MEGF11: variants seen among roughly 807,000 people sequenced by gnomAD.
The protein encoded by MEGF11 is multiple EGF like domains 11.
In MEGF11, 126 loss-of-function variants were observed where a neutral mutation model predicts 146.6. The ratio of observed to expected loss-of-function variants is 0.86; its 90% confidence interval spans 0.74 to 1.00. The LOEUF (loss-of-function observed/expected upper bound fraction) is 1.00, where lower values mean the gene tolerates loss of function less well. Ranked by LOEUF, MEGF11 falls within the 50% of genes least tolerant of loss-of-function variation. The pLI, the probability that MEGF11 is intolerant of heterozygous loss-of-function variation, is 0.00. For synonymous variants in MEGF11, 532 were observed against 583.4 expected (o/e 0.91, Z 1.27); for missense variants, 1,509 against 1,521.2 (o/e 0.99, Z 0.13).
chr15:66,032,897 C>G (rs968130156), intron 5 of MEGF11, among the ~76,000 whole-genome samples: 1 of 151,934 alleles, frequency 6.6e-6, no homozygotes, highest in Non-Finnish European at 1.5e-5. Flanking sequence ...CTGGCTAACA[C>G]GGTGAAACCC....
intron 15 of MEGF11, among the ~76,000 whole-genome samples, chr15:65,921,035 T>G (rs1294028312): frequency 6.6e-6 from 1 of 152,222 alleles, no homozygotes; most frequent in Non-Finnish European, 1.5e-5. Flanking sequence ...TAAATGAAAC[T>G]GTCACATATG....
chr15:65,919,766 C>A (rs556639428), intron 15 of MEGF11, among the ~76,000 whole-genome samples: 1 of 152,284 alleles, frequency 6.6e-6, no homozygotes, highest in Non-Finnish European at 1.5e-5. Context: ...CAGATAGGCA[C>A]GCGCCACCAT....
intron 5 of MEGF11, among the ~76,000 whole-genome samples, chr15:65,984,525 C>CAAAA (rs35017296): frequency 0.19 from 9,236 of 49,150 alleles, 2,568 homozygotes; most frequent in Non-Finnish European, 0.24. Context: ...GACTCCGTGT[C>CAAAA]AAAAAAAAAA....
chr15:66,054,597 G>A (rs1043545631), intron 5 of MEGF11, among the ~76,000 whole-genome samples: 6 of 152,172 alleles, frequency 3.9e-5, no homozygotes, highest in East Asian at 1.9e-4. Context: ...CAGAGTGAGC[G>A]GCCTGGAAAA....
chr15:66,185,641 G>A (rs1257949712), intron 1 of MEGF11, among the ~76,000 whole-genome samples: 2 of 152,156 alleles, frequency 1.3e-5, no homozygotes, highest in African/African-American at 2.4e-5. Flanking sequence ...GGAGATGGAG[G>A]AGGTCACCCC....
chr15:66,039,347 G>T (rs2083857589), intron 5 of MEGF11, among the ~76,000 whole-genome samples: 1 of 152,224 alleles, frequency 6.6e-6, no homozygotes, highest in African/African-American at 2.4e-5. Flanking sequence ...CAGCTGAGGA[G>T]GAGGGGAGTT....
chr15:66,019,297 G>A (rs1367175249), intron 5 of MEGF11, among the ~76,000 whole-genome samples: 1 of 152,166 alleles, frequency 6.6e-6, no homozygotes, highest in Non-Finnish European at 1.5e-5. Context: ...GCTGAACGAA[G>A]TCTAATTTAC....
intron 8 of MEGF11, among the ~76,000 whole-genome samples, chr15:65,966,799 G>C (rs996315888): frequency 6.6e-6 from 1 of 151,936 alleles, no homozygotes. Flanking sequence ...TCCTCCGTGG[G>C]CGAGTGTGAC....
At chr15:66,116,136 C>T (rs2087716585) in intron 4 of MEGF11, among the ~76,000 whole-genome samples, 1 of 152,210 alleles carries the variant, frequency 6.6e-6, no homozygotes, top group Admixed American at 6.5e-5. Context: ...CCCACCCACC[C>T]CTGACGGCGT....
chr15:65,898,801 C>T lies in MEGF11; in HGVS notation c.3189G>A (p.Ser1063=), dbSNP rs150630016. ...TGTACGGAGACCCCATGTGCACAGG[C>T]GACTTCATTTCTACATAGCTGCTTT... ...LPESSYVEMK[S]PVHMGSPYTD... is the part of the protein sequence containing the mutation. The change falls in exon 25 of 26, where the codon TCG becomes TCA. Residue 1063 remains serine, a synonymous_variant. Transcript: ENST00000395614. 7.6e-5 allele frequency: 123 copies of T among 1,613,952 alleles called. No individual in the cohort carries two copies. The highest frequency in any genetic ancestry group is 4.5e-4 in the East Asian group (20 of 44,886).
intron 1 of MEGF11, among the ~76,000 whole-genome samples, chr15:66,171,921 C>T (rs1038607978): frequency 2.6e-5 from 4 of 152,288 alleles, no homozygotes; most frequent in East Asian, 3.9e-4. Flanking sequence ...ATATCCCCGC[C>T]GTCTCCAAGT....
intron 1 of MEGF11, among the ~76,000 whole-genome samples, chr15:66,233,854 G>A (rs1490325289): frequency 6.6e-5 from 10 of 152,152 alleles, no homozygotes. Context: ...GGTCTTCTGG[G>A]GAGAGTGTCC....
At position 66,109,747 on chromosome 15, in the gene MEGF11, C is replaced by T. The variant is rs560288798; in HGVS notation, c.301+9339G>A. Among the ~76,000 whole-genome samples, 4 of 152,314 alleles carry T rather than the reference C, an allele frequency of 2.6e-5. No individual in the cohort carries two copies. The East Asian group carries it at 5.8e-4, about 22-fold the overall frequency. On this transcript the variant is annotated intron_variant, in intron 4 of 25. Coordinates refer to ENST00000395614, the MANE Select transcript of MEGF11 (RefSeq NM_001385028.1). Reference sequence around the variant, plus strand: ...TCAGACTCAGCTCAAAACTCACCTCCCTGAAGGGGTCTTTCTTGACCCCCA... The same window carrying T: ...TCAGACTCAGCTCAAAACTCACCTCTCTGAAGGGGTCTTTCTTGACCCCCA...
At chr15:66,150,440 T>C (rs896095765) in intron 1 of MEGF11, among the ~76,000 whole-genome samples, 1 of 152,164 alleles carries the variant, frequency 6.6e-6, no homozygotes, top group Non-Finnish European at 1.5e-5. Flanking sequence ...AAGACTTCCT[T>C]GGAGAGTAAT....
intron 3 of MEGF11, among the ~76,000 whole-genome samples, chr15:66,120,936 G>T (rs1483451751): frequency 1.3e-5 from 2 of 152,148 alleles, no homozygotes; most frequent in Admixed American, 6.5e-5. Context: ...GTTTGTCCCT[G>T]TGCAGTTTGG....
intron 1 of MEGF11, among the ~76,000 whole-genome samples, chr15:66,204,941 C>A (rs1447251965): frequency 6.7e-6 from 1 of 150,206 alleles, no homozygotes; most frequent in Non-Finnish European, 1.5e-5. Flanking sequence ...GAACTTTAAG[C>A]CCCAAGGAAC....
chr15:66,181,215 T>C (rs1041959986), intron 1 of MEGF11, among the ~76,000 whole-genome samples: 2 of 152,176 alleles, frequency 1.3e-5, no homozygotes, highest in Admixed American at 1.3e-4. Context: ...TGCCTGTTGT[T>C]ATCAGACTTT....
intron 4 of MEGF11, among the ~76,000 whole-genome samples, chr15:66,105,336 C>T (rs1455490733): frequency 2.0e-5 from 3 of 152,134 alleles, no homozygotes; most frequent in African/African-American, 7.2e-5. Flanking sequence ...CCCTGCCTGG[C>T]CTCCCTTCTG....
chr15:65,977,822 T>A (rs543121783), intron 7 of MEGF11, among the ~76,000 whole-genome samples: 1 of 152,270 alleles, frequency 6.6e-6, no homozygotes, highest in South Asian at 2.1e-4. Flanking sequence ...AACGTAAGAC[T>A]GTGAACTCCT....
Sources: allele counts gnomAD v4.1 joint callset (sites outside exome capture counted in the v4.1 genomes callset), GRCh38; gene constraint gnomAD v4.1.1; transcripts MANE v1.5; gene names NCBI Gene and HGNC (gene_info 2026-07-23, HGNC 2026-07-21).